LATS2: variants seen among roughly 807,000 people sequenced by gnomAD.
LATS2 encodes the protein large tumor suppressor kinase 2.
In LATS2, 24 loss-of-function variants were observed where a neutral mutation model predicts 76.0. The observed-to-expected ratio is 0.32, with a 90% confidence interval of 0.23 to 0.44. The LOEUF (loss-of-function observed/expected upper bound fraction) is 0.44, where lower values mean the gene tolerates loss of function less well. LATS2 is among the 20% of genes least tolerant of loss of function. The pLI is 1.00. For synonymous variants in LATS2, 692 were observed against 635.4 expected (o/e 1.09, Z -1.34); for missense variants, 1,286 against 1,481.2 (o/e 0.87, Z 2.16).
intron 2 of LATS2, among the ~76,000 whole-genome samples, chr13:21,039,106 C>T (rs532955043): frequency 1.3e-5 from 2 of 152,094 alleles, no homozygotes; most frequent in Non-Finnish European, 2.9e-5. Context: ...ATGTGGTGTG[C>T]CTTCTGGAAG....
chr13:20,977,541 A>G (rs1869677051), intron 7 of LATS2, among the ~76,000 whole-genome samples: 1 of 152,074 alleles, frequency 6.6e-6, no homozygotes, highest in Admixed American at 6.6e-5. Context: ...TGATGGTTGC[A>G]CAATATTGTG....
At chr13:20,987,542 CTAT>C (rs1233204126) in intron 4 of LATS2, among the ~76,000 whole-genome samples, 3 of 152,174 alleles carry the variant, frequency 2.0e-5, no homozygotes, top group Non-Finnish European at 2.9e-5. Flanking sequence ...TTCAAATGTT[CTAT>C]TATTAATCCA....
At position 20,988,077 on chromosome 13, in the gene LATS2, T is replaced by C. The variant is rs1354378401; in HGVS notation, c.1703A>G (p.Lys568Arg). Residue 568 changes from lysine to arginine, a missense_variant, in exon 4 of 8, where the codon AAG (lysine) becomes AGG (arginine). This residue lies in a region of LATS2 where 710 missense variants were observed against 660.9 expected (regional missense o/e 1.07). Transcript: ENST00000382592. ...RKSAKGDKGG[K>R]DKKQIQTSPV... is the part of the protein sequence containing the mutation. ...AGAGGTCTGAATCTGCTTTTTATCC[T>C]TTCCGCCTTTGTCCCCCTTGGCGCT... 6.2e-7 allele frequency: 1 copy of C among 1,614,272 alleles called. No homozygotes were observed. The highest frequency in any genetic ancestry group is 2.2e-5 in the East Asian group (1 of 44,878).
chr13:21,039,675 G>A (rs1872799370), intron 2 of LATS2, among the ~76,000 whole-genome samples: 1 of 152,218 alleles, frequency 6.6e-6, no homozygotes, highest in South Asian at 2.1e-4. Context: ...AAACTCCCAA[G>A]ATCCAGGCCT....
At chr13:21,008,790 GTAAAGT>G (rs1441330786) in intron 2 of LATS2, among the ~76,000 whole-genome samples, 2 of 152,144 alleles carry the variant, frequency 1.3e-5, no homozygotes, top group African/African-American at 2.4e-5. Context: ...ACCATATCTA[GTAAAGT>G]TAAAGATGCT....
intron 2 of LATS2, among the ~76,000 whole-genome samples, chr13:20,994,306 A>G (rs1870645385): frequency 6.6e-6 from 1 of 152,174 alleles, no homozygotes; most frequent in Non-Finnish European, 1.5e-5. Context: ...CTGTCCATCA[A>G]CCCTTCTTTA....
intron 2 of LATS2, among the ~76,000 whole-genome samples, chr13:21,009,008 A>C (rs1871467989): frequency 6.6e-6 from 1 of 152,240 alleles, no homozygotes; most frequent in South Asian, 2.1e-4. Context: ...TAGTGTTTTA[A>C]CAGTACAACA....
intron 2 of LATS2, among the ~76,000 whole-genome samples, chr13:21,031,011 C>T (rs1872514849): frequency 6.6e-6 from 1 of 151,990 alleles, no homozygotes; most frequent in African/African-American, 2.4e-5. Context: ...GTATTTTTTT[C>T]TTCAGCACTT....
At position 20,998,790 on chromosome 13, in the gene LATS2, C is replaced by T. The variant is rs971667295; in HGVS notation, c.343-7386G>A. Among the ~76,000 whole-genome samples, 7 of 151,290 alleles carry T rather than the reference C, an allele frequency of 4.6e-5. No homozygotes were observed. The East Asian group carries it at 1.4e-3, about 30-fold the overall frequency. The stretch of plus-strand genomic sequence containing the variant: ...ACAACCTTGGGCTGGTGGGGCAGAG[C>T]CCCGTGACCTTGTCCACACGGGGCG... On this transcript the variant is annotated intron_variant, in intron 2 of 7. Transcript: ENST00000382592.
chr13:21,003,174 A>G (rs1396195324), intron 2 of LATS2, among the ~76,000 whole-genome samples: 1 of 152,196 alleles, frequency 6.6e-6, no homozygotes, highest in African/African-American at 2.4e-5. Flanking sequence ...TCTTCAAAAA[A>G]TGAGACTGTT....
chr13:21,007,051 G>A (rs1871290289), intron 2 of LATS2, among the ~76,000 whole-genome samples: 1 of 152,150 alleles, frequency 6.6e-6, no homozygotes. Flanking sequence ...TCACTGACAA[G>A]GTAATTCGGT....
At chr13:21,035,254 A>G (rs1348328797) in intron 2 of LATS2, among the ~76,000 whole-genome samples, 1 of 152,144 alleles carries the variant, frequency 6.6e-6, no homozygotes, top group African/African-American at 2.4e-5. Flanking sequence ...ATGATAATGG[A>G]TGTGGCATTT....
Position 20,988,437 on chromosome 13 carries a change from C to A in LATS2, c.1343G>T (p.Arg448Leu), listed in dbSNP as rs762484566. The A allele has an allele frequency of 1.4e-4, 208 of 1,506,964 alleles. No individual in the cohort carries two copies. The highest frequency in any genetic ancestry group is 1.7e-4 in the Non-Finnish European group (198 of 1,135,072). The allele number at this position is 1,506,964 out of a possible 1,614,324, so 93.3% of individuals were successfully genotyped here. Residue 448 changes from arginine to leucine, a missense_variant, in exon 4 of 8, where the codon CGT (arginine) becomes CTT (leucine). Coordinates refer to ENST00000382592, the MANE Select transcript of LATS2 (RefSeq NM_014572.3). Reference sequence around the variant, plus strand: ...CGTCTGCGGCTCCGGCCTCAGCACACGCACGCTCTTCACCGGGTGCAAGAT... The same window carrying A: ...CGTCTGCGGCTCCGGCCTCAGCACAAGCACGCTCTTCACCGGGTGCAAGAT... ...AHILHPVKSV[R>L]VLRPEPQTAV... is the part of the protein sequence containing the mutation.
intron 1 of LATS2, among the ~76,000 whole-genome samples, chr13:21,055,733 C>T (rs925620114): frequency 3.3e-5 from 5 of 152,212 alleles, no homozygotes; most frequent in Non-Finnish European, 7.3e-5. Context: ...GCGCTAATGA[C>T]ACATGTTGGC....
chr13:20,983,674 C>T lies in LATS2; in HGVS notation c.2032G>A (p.Ala678Thr). 1 of 1,614,160 alleles carries T rather than the reference C, an allele frequency of 6.2e-7. No individual in the cohort carries two copies. Among genetic ancestry groups the T allele is most frequent in the East Asian group, 2.2e-5 (1 of 44,882 alleles). Residue 678 changes from alanine to threonine, a missense_variant, in exon 5 of 8, where the codon GCC becomes ACC. By Grantham distance (58) the Ala-to-Thr change is moderately conservative (BLOSUM62 0). Transcript: ENST00000382592. Reference protein sequence around the residue: ...FVKIKTLGIGAFGEVCLACKV... With the variant: ...FVKIKTLGIGTFGEVCLACKV... ...CAAGCAAGGCACACTTCTCCAAAGG[C>T]ACCGATCCCCAGGGTTTTGATCTTG...
At chr13:21,019,902 A>C (rs1448399668) in intron 2 of LATS2, among the ~76,000 whole-genome samples, 3 of 147,920 alleles carry the variant, frequency 2.0e-5, no homozygotes, top group African/African-American at 7.5e-5. Flanking sequence ...TGAACCCAGG[A>C]GGTGGAGTTC....
chr13:21,014,976 G>C (rs773654040), intron 2 of LATS2, among the ~76,000 whole-genome samples: 1 of 152,192 alleles, frequency 6.6e-6, no homozygotes, highest in African/African-American at 2.4e-5. Flanking sequence ...TGTGAGCTCC[G>C]GGAGGGCAGG....
chr13:21,054,860 T>C lies in LATS2; in HGVS notation c.-205+6486A>G, dbSNP rs185958586. ...CAGTGACATCCCTAAACCTACCACCTGGTTTTGTTTGGTACGGAGGGAGGG... is the reference window on the plus strand; with the variant it reads ...CAGTGACATCCCTAAACCTACCACCCGGTTTTGTTTGGTACGGAGGGAGGG... On this transcript the variant is annotated intron_variant, in intron 1 of 7. Coordinates refer to ENST00000382592, the MANE Select transcript of LATS2 (RefSeq NM_014572.3). Among the ~76,000 whole-genome samples, 309 of 152,318 alleles carry C rather than the reference T, an allele frequency of 2.0e-3. 6 individuals are homozygous for C. Among genetic ancestry groups the C allele is most frequent in the Admixed American group, 0.019 (283 of 15,294 alleles).
intron 2 of LATS2, among the ~76,000 whole-genome samples, chr13:21,037,941 T>G (rs1872737396): frequency 6.6e-6 from 1 of 152,006 alleles, no homozygotes; most frequent in Non-Finnish European, 1.5e-5. Context: ...AGAAGGGAAA[T>G]GACAGAATCT....
Sources: allele counts gnomAD v4.1 joint callset (sites outside exome capture counted in the v4.1 genomes callset), GRCh38; gene constraint gnomAD v4.1.1; regional missense constraint gnomAD v4.1.1; transcripts MANE v1.5; gene names NCBI Gene and HGNC (gene_info 2026-07-23, HGNC 2026-07-21).